The following ABHD12 variants were observed in gnomAD, a reference collection of about 807,000 sequenced individuals.
ABHD12 encodes the protein abhydrolase domain containing 12, lysophospholipase.
In ABHD12, 43 loss-of-function variants were observed where a neutral mutation model predicts 58.3. The ratio of observed to expected loss-of-function variants is 0.74; its 90% CI spans 0.58 to 0.95. ABHD12 has a LOEUF of 0.95. Among genes scored for constraint, ABHD12 ranks in the 40% least tolerant of loss-of-function variants. ABHD12 has a pLI of 0.00. For synonymous variants in ABHD12, 219 were observed against 211.2 expected, an observed-to-expected ratio of 1.04 and a Z score of -0.32; for missense variants, 539 against 537.2, an observed-to-expected ratio of 1.00 and a Z score of -0.03.
intron 1 of ABHD12, among the ~76,000 whole-genome samples, chr20:25,344,790 GT>G: frequency 6.6e-6 from 1 of 152,314 alleles, no homozygotes; most frequent in East Asian, 1.9e-4. Context: ...CAAGACAGTG[GT>G]GTACTGTCAA....
rs1328480971 is a variant in ABHD12, at chr20:25,390,796, C to G, written c.-93G>C. On this transcript the variant is annotated 5_prime_UTR_variant, in exon 1 of 13. Coordinates refer to ENST00000339157, the MANE Select transcript of ABHD12 (RefSeq NM_001042472.3). ...CCGCCGCCACCCAGAGCCCGGAGCC[C>G]GGAACCCGCCGCTCCTCACATCCCA... 16 of 851,786 alleles carry G rather than the reference C, an allele frequency of 1.9e-5. No individual in the cohort carries two copies. Among genetic ancestry groups the G allele is most frequent in the Non-Finnish European group, 9.1e-6 (6 of 656,134 alleles). 52.8% of individuals were successfully genotyped at this position (851,786 alleles called of 1,614,324 possible). A position where few individuals can be genotyped will look rare whatever the true frequency, so the allele number is the denominator to read the frequency against.
In ABHD12 at chr20:25,332,513, G is replaced by GCACCA. The variant is rs2089295016; in HGVS notation, c.316+6709_316+6713dup. ...ATCAACAGAATATACATTTTTTTCA[G>GCACCA]CACCACACCACACCTATTCCAAAAT... On this transcript the variant is annotated intron_variant, in intron 2 of 12. Transcript: ENST00000339157. 2.0e-5 allele frequency among the ~76,000 whole-genome samples: 3 copies of GCACCA among 151,444 alleles called. No individual in the cohort carries two copies. The South Asian group carries it at 6.3e-4, about 32-fold the overall frequency.
At chr20:25,295,487 C>A, downstream of ABHD12, 2 of 1,219,982 alleles carry the variant, frequency 1.6e-6, no homozygotes, top group Non-Finnish European at 2.4e-6. Flanking sequence ...TGGGCCCCTT[C>A]GCTCCAGACA....
chr20:25,338,982 C>T (rs1286389840), intron 2 of ABHD12: 6 of 1,269,438 alleles, frequency 4.7e-6, no homozygotes, highest in Non-Finnish European at 6.0e-6. Flanking sequence ...GAAAGTCCTC[C>T]AGCTGGGAAG....
chr20:25,330,029 T>A (rs1046621912), intron 2 of ABHD12, among the ~76,000 whole-genome samples: 105 of 152,302 alleles, frequency 6.9e-4, no homozygotes, highest in African/African-American at 2.5e-3. Flanking sequence ...GACGGGTGAT[T>A]TCTGCATTTC....
downstream of ABHD12, chr20:25,295,731 G>T (rs1363344665): frequency 4.6e-6 from 7 of 1,506,894 alleles, no homozygotes; most frequent in Non-Finnish European, 5.5e-6. Flanking sequence ...AGACGTGTTG[G>T]GTCAGATTGT....
Position 25,378,697 on chromosome 20 carries a change from C to CT in ABHD12, c.191+11815dup, listed in dbSNP as rs10617181. ...TGATAAGAACTGAAGATAATTTGAACTTTTTTTTTTTTTTTTTTTTACCAT... is the reference window on the plus strand; with the variant it reads ...TGATAAGAACTGAAGATAATTTGAACTTTTTTTTTTTTTTTTTTTTTACCAT... On this transcript the variant is annotated intron_variant, in intron 1 of 12. Coordinates refer to ENST00000339157, the MANE Select transcript of ABHD12 (RefSeq NM_001042472.3). 1.9e-3 allele frequency among the ~76,000 whole-genome samples: 269 copies of CT among 139,656 alleles called. 2 individuals are homozygous for CT. The highest frequency in any genetic ancestry group is 6.0e-3 in the South Asian group (26 of 4,320). 91.6% of individuals were successfully genotyped at this position (139,656 alleles called of 152,430 possible). A position where few individuals can be genotyped will look rare whatever the true frequency, so the allele number is the denominator to read the frequency against.
intron 1 of ABHD12, among the ~76,000 whole-genome samples, chr20:25,379,615 C>T (rs6083822): frequency 6.6e-6 from 1 of 152,198 alleles, no homozygotes; most frequent in African/African-American, 2.4e-5. Context: ...CTCCTCTCCC[C>T]TGGATTATTC....
intron 12 of ABHD12, chr20:25,295,046 T>C: frequency 6.2e-7 from 1 of 1,614,042 alleles, no homozygotes; most frequent in East Asian, 2.2e-5. Flanking sequence ...ATAAAGGAAG[T>C]GCTTTTAAAA....
chr20:25,296,223 C>A, downstream of ABHD12: 1 of 988,566 alleles, frequency 1.0e-6, no homozygotes. Flanking sequence ...TTTCAACGAA[C>A]AAGTGATTGT....
chr20:25,316,245 C>T (rs1368076484), intron 5 of ABHD12, among the ~76,000 whole-genome samples: 4 of 152,186 alleles, frequency 2.6e-5, no homozygotes, highest in Admixed American at 1.3e-4. Flanking sequence ...CTGCAACCTC[C>T]GCCTCCCAGG....
At chr20:25,335,689 C>CAGT (rs1016357677) in intron 2 of ABHD12, among the ~76,000 whole-genome samples, 3 of 149,540 alleles carry the variant, frequency 2.0e-5, no homozygotes, top group Non-Finnish European at 3.0e-5. Flanking sequence ...TCATCATTCT[C>CAGT]AGTAAACTAT....
chr20:25,390,629 C>T lies in ABHD12; in HGVS notation c.75G>A (p.Ser25=). 1 of 1,458,450 alleles carries T rather than the reference C, an allele frequency of 6.9e-7. No individual in the cohort carries two copies. The highest frequency in any genetic ancestry group is 9.0e-7 in the Non-Finnish European group (1 of 1,110,516). 90.3% of individuals were successfully genotyped at this position (1,458,450 alleles called of 1,614,324 possible). A position where few individuals can be genotyped will look rare whatever the true frequency, so the allele number is the denominator to read the frequency against. Residue 25 remains serine, a synonymous_variant, in exon 1 of 13, where the codon TCG becomes TCA. Coordinates refer to ENST00000339157, the MANE Select transcript of ABHD12 (RefSeq NM_001042472.3). ...CAAAGSSSSG[S]AAAALDADCR... ...AGTCGGCGTCCAGCGCCGCGGCGGC[C>T]GAGCCGGAGGAGGACGAGCCCGCGG...
intron 1 of ABHD12, among the ~76,000 whole-genome samples, chr20:25,348,902 G>A (rs2089558077): frequency 6.6e-6 from 1 of 151,850 alleles, no homozygotes; most frequent in Non-Finnish European, 1.5e-5. Flanking sequence ...CTAACACGGT[G>A]AAACCCCGTC....
intron 1 of ABHD12, among the ~76,000 whole-genome samples, chr20:25,366,061 C>A (rs4815409): frequency 0.54 from 82,185 of 151,918 alleles, 22,806 homozygotes; most frequent in Admixed American, 0.61. Context: ...ATTGTTAATT[C>A]TTTCACATAT....
chr20:25,329,988 G>A (rs1476302978), intron 2 of ABHD12, among the ~76,000 whole-genome samples: 1 of 152,248 alleles, frequency 6.6e-6, no homozygotes, highest in Non-Finnish European at 1.5e-5. Flanking sequence ...AACAGCTCCA[G>A]TCTACAGCTC....
chr20:25,383,954 C>CAAAA (rs1201588127), intron 1 of ABHD12, among the ~76,000 whole-genome samples: 15 of 53,350 alleles, frequency 2.8e-4, no homozygotes, highest in African/African-American at 4.3e-4. Context: ...GACTCTTTCT[C>CAAAA]AAAAAAAAAA....
Position 25,390,163 on chromosome 20 carries a change from G to A in ABHD12, c.191+350C>T, listed in dbSNP as rs1291685338. On this transcript the variant is annotated intron_variant, in intron 1 of 12. Transcript: ENST00000339157. ...ACCCCCTACCCTGCTCTCCCACGCGGGGTCATGACTTCGGGCGGCGCCAAG... is the reference window on the plus strand; with the variant it reads ...ACCCCCTACCCTGCTCTCCCACGCGAGGTCATGACTTCGGGCGGCGCCAAG... 8 of 207,388 alleles carry A rather than the reference G, an allele frequency of 3.9e-5. No individual in the cohort carries two copies. In the East Asian group the frequency reaches 8.2e-4, roughly 21 times the overall value. The allele number at this position is 207,388 out of a possible 1,614,324, so 12.8% of individuals were successfully genotyped here.
At chr20:25,384,836 G>T (rs2146141365) in intron 1 of ABHD12, among the ~76,000 whole-genome samples, 1 of 152,296 alleles carries the variant, frequency 6.6e-6, no homozygotes, top group African/African-American at 2.4e-5. Flanking sequence ...ATTCCTGCCA[G>T]GCAGCAACAG....
Sources: allele counts gnomAD v4.1 joint callset (sites outside exome capture counted in the v4.1 genomes callset), GRCh38; gene constraint gnomAD v4.1.1; transcripts MANE v1.5; gene names NCBI Gene and HGNC (gene_info 2026-07-23, HGNC 2026-07-21).